HOXA3: variants seen among roughly 807,000 people sequenced by gnomAD.
The protein encoded by HOXA3 is homeobox protein Hox-A3.
A neutral mutation model predicts 30.3 loss-of-function variants in HOXA3; 8 were observed. That is an observed-to-expected ratio of 0.26 (90% CI 0.15 to 0.48). The LOEUF (loss-of-function observed/expected upper bound fraction) is 0.48, where lower values mean the gene tolerates loss of function less well. HOXA3 is among the 20% of genes least tolerant of loss of function. The pLI, the probability that HOXA3 is intolerant of heterozygous loss-of-function variation, is 0.99. For synonymous variants in HOXA3, 323 were observed against 273.1 expected, an observed-to-expected ratio of 1.18 and a Z score of -1.80; for missense variants, 653 against 614.4, an observed-to-expected ratio of 1.06 and a Z score of -0.66.
In HOXA3 at chr7:27,150,682, G is replaced by T. The variant is rs1336510163; in HGVS notation, c.-494+1606C>A. On this transcript the variant is annotated intron_variant, in intron 1 of 5. Coordinates refer to ENST00000612286, the MANE Select transcript of HOXA3 (RefSeq NM_153631.3). Reference sequence around the variant, plus strand: ...GTGCGCCCCCAGAACGCCTTGGGACGCGCAGTTTGGACAGAAGCAGCCATG... The same window carrying T: ...GTGCGCCCCCAGAACGCCTTGGGACTCGCAGTTTGGACAGAAGCAGCCATG... The T allele has an allele frequency of 3.3e-5, 5 of 152,674 alleles. No homozygotes were observed. The East Asian group carries it at 9.6e-4, about 29-fold the overall frequency. The allele number at this position is 152,674 out of a possible 1,614,324, so 9.5% of individuals were successfully genotyped here.
chr7:27,110,605 G>T lies in HOXA3; in HGVS notation c.36C>A (p.Ile12=), dbSNP rs1470209739. 1 of 1,607,542 alleles carries T rather than the reference G, an allele frequency of 6.2e-7. No individual in the cohort carries two copies. The stretch of plus-strand genomic sequence containing the variant: ...CTGCCTGGTAGGGGTAGCCACCGTA[G>T]ATCGCCGAGCTGTCGTAGTAGGTCG... ...QKATYYDSSA[I]YGGYPYQAAN... is the part of the protein sequence containing the mutation. The change falls in exon 5 of 6, where the codon ATC becomes ATA. Residue 12 remains isoleucine (I), a synonymous_variant. Transcript: ENST00000612286.
intron 2 of HOXA3, among the ~76,000 whole-genome samples, chr7:27,131,033 T>C (rs950980159): frequency 1.3e-5 from 2 of 152,066 alleles, no homozygotes; most frequent in African/African-American, 4.8e-5. Flanking sequence ...TGGATGCTGC[T>C]GTCCGGCCCC....
chr7:27,114,041 G>C (rs867283045), intron 4 of HOXA3: 1 of 151,784 alleles, frequency 6.6e-6, no homozygotes, highest in Non-Finnish European at 1.5e-5. Flanking sequence ...TGGTCCGGGG[G>C]TGCGGTGGGG....
chr7:27,111,352 A>C (rs970818862), intron 4 of HOXA3, among the ~76,000 whole-genome samples: 1 of 152,142 alleles, frequency 6.6e-6, no homozygotes, highest in Non-Finnish European at 1.5e-5. Flanking sequence ...GCCCCATCCA[A>C]CCATGCTGGA....
At chr7:27,151,412 C>A in intron 1 of HOXA3, 1 of 339,186 alleles carries the variant, frequency 2.9e-6, no homozygotes, top group Admixed American at 4.1e-5. Flanking sequence ...TCCGTTGCGC[C>A]AAGGTGGATT....
At chr7:27,126,429 A>G (rs1785285881) in intron 3 of HOXA3, among the ~76,000 whole-genome samples, 1 of 149,496 alleles carries the variant, frequency 6.7e-6, no homozygotes, top group Admixed American at 6.6e-5. Flanking sequence ...TTGAGGGGCC[A>G]GTAGGGTTTG....
At chr7:27,114,646 G>C (rs1184095298) in intron 4 of HOXA3, among the ~76,000 whole-genome samples, 1 of 147,538 alleles carries the variant, frequency 6.8e-6, no homozygotes, top group Non-Finnish European at 1.5e-5. Context: ...TTAGAAACGC[G>C]GATCTCCAGG....
chr7:27,130,177 C>A (rs1250446186), intron 2 of HOXA3: 1 of 1,593,578 alleles, frequency 6.3e-7, no homozygotes, highest in Admixed American at 1.7e-5. Context: ...GCCCTTCAGG[C>A]CCAGCGGGCT....
intron 2 of HOXA3, chr7:27,130,793 C>A: frequency 6.6e-7 from 1 of 1,515,544 alleles, no homozygotes; most frequent in South Asian, 1.2e-5. Flanking sequence ...CTGGGCTTGC[C>A]GAGGCCCCTC....
Position 27,133,493 on chromosome 7 carries a change from C to T in HOXA3, c.-389-6423G>A, listed in dbSNP as rs533866378. Among the ~76,000 whole-genome samples, 19 of 152,296 alleles carry T rather than the reference C, an allele frequency of 1.2e-4. No individual in the cohort carries two copies. In the South Asian group the frequency reaches 3.5e-3, roughly 28 times the overall value. ...CACACCAACTGGCTCCAGTCCCAAGCGGGGTGAAAGCGTTATCCTTTCCTT... is the reference window on the plus strand; with the variant it reads ...CACACCAACTGGCTCCAGTCCCAAGTGGGGTGAAAGCGTTATCCTTTCCTT... On this transcript the variant is annotated intron_variant, in intron 2 of 5. Coordinates refer to ENST00000612286, the MANE Select transcript of HOXA3 (RefSeq NM_153631.3).
intron 1 of HOXA3, among the ~76,000 whole-genome samples, chr7:27,148,021 C>T (rs1034211684): frequency 6.6e-6 from 1 of 152,276 alleles, no homozygotes; most frequent in African/African-American, 2.4e-5. Flanking sequence ...CACAGCTAGC[C>T]GGCCCGGCTC....
intron 2 of HOXA3, among the ~76,000 whole-genome samples, chr7:27,139,596 C>A (rs1189313953): frequency 1.3e-5 from 2 of 152,254 alleles, no homozygotes; most frequent in African/African-American, 4.8e-5. Flanking sequence ...CGCCTCGGCC[C>A]TGCCCCGGCC....
intron 5 of HOXA3, among the ~76,000 whole-genome samples, chr7:27,109,207 GACT>G (rs1784221633): frequency 6.6e-6 from 1 of 152,218 alleles, no homozygotes; most frequent in Admixed American, 6.5e-5. Context: ...GAGATGGGCA[GACT>G]GGAAACCTCA....
chr7:27,116,464 T>A (rs909352790), intron 4 of HOXA3: 1 of 152,516 alleles, frequency 6.6e-6, no homozygotes, highest in Non-Finnish European at 1.5e-5. Flanking sequence ...GGGACTAGCC[T>A]TTTTTGATAT....
chr7:27,133,640 G>A (rs1288458562), intron 2 of HOXA3, among the ~76,000 whole-genome samples: 1 of 152,230 alleles, frequency 6.6e-6, no homozygotes, highest in Non-Finnish European at 1.5e-5. Context: ...AATCCCAGAT[G>A]GAGAAGAGTG....
intron 1 of HOXA3, among the ~76,000 whole-genome samples, chr7:27,148,745 C>T (rs1053904945): frequency 5.9e-5 from 9 of 152,260 alleles, no homozygotes; most frequent in Non-Finnish European, 1.0e-4. Flanking sequence ...CCCTGCCTAG[C>T]GCCTGGGGAC....
At chr7:27,109,808 T>C (rs1275090027) in intron 5 of HOXA3, among the ~76,000 whole-genome samples, 1 of 152,162 alleles carries the variant, frequency 6.6e-6, no homozygotes, top group South Asian at 2.1e-4. Flanking sequence ...GGAGCTCAGG[T>C]TGTTTCTGCA....
At chr7:27,140,348 G>GATCTA (rs1044252696) in intron 1 of HOXA3, 162 bp from the exon 2 acceptor site, 2 of 152,086 alleles carry the variant, frequency 1.3e-5, no homozygotes, top group African/African-American at 4.8e-5. Flanking sequence ...ATGATTTTAC[G>GATCTA]ATCTAATTCA....
At chr7:27,135,966 T>C (rs1168416735) in intron 2 of HOXA3, among the ~76,000 whole-genome samples, 3 of 152,212 alleles carry the variant, frequency 2.0e-5, no homozygotes, top group African/African-American at 7.2e-5. Flanking sequence ...TATCCTTTCC[T>C]CCGTAATTGA....
Sources: gnomAD v4.1 joint callset for allele counts (sites outside exome capture counted in the v4.1 genomes callset) on GRCh38, gnomAD v4.1.1 for gene constraint, MANE v1.5 for transcripts, NCBI Gene and HGNC (gene_info 2026-07-23, HGNC 2026-07-21) for gene names.